TET1: variants seen among roughly 807,000 people sequenced by gnomAD.
TET1 encodes the protein tet methylcytosine dioxygenase 1, also known as methylcytosine dioxygenase TET1.
In TET1, 13 loss-of-function variants were observed where a neutral mutation model predicts 148.7. That is an observed-to-expected ratio of 0.09 (90% CI 0.06 to 0.14). The LOEUF (loss-of-function observed/expected upper bound fraction) is 0.14, where lower values mean the gene tolerates loss of function less well. TET1 is among the 10% of genes least tolerant of loss of function. TET1 has a pLI of 1.00. For synonymous variants in TET1, 907 were observed against 937.2 expected (o/e 0.97, Z 0.59); for missense variants, 2,182 against 2,553.8 (o/e 0.85, Z 3.14).
chr10:68,663,065 G>A (rs1296525169), intron 6 of TET1, among the ~76,000 whole-genome samples: 1 of 152,172 alleles, frequency 6.6e-6, no homozygotes, highest in East Asian at 1.9e-4. Flanking sequence ...CACTATTTTG[G>A]AAGTGAGTAT....
At position 68,691,444 on chromosome 10, in the gene TET1, C is replaced by G. The variant is rs1441753288; in HGVS notation, c.6041C>G (p.Ala2014Gly). The G allele has an allele frequency of 6.2e-7, 1 of 1,614,184 alleles. No homozygotes were observed. Among genetic ancestry groups the G allele is most frequent in the East Asian group, 2.2e-5 (1 of 44,884 alleles). Residue 2014 changes from alanine to glycine, a missense_variant, in exon 12 of 12, where the codon GCT (alanine) becomes GGT (glycine). Ala to Gly is a moderately conservative substitution (Grantham distance 60). This residue lies in a region of TET1 where 11 missense variants were observed against 44.0 expected (regional missense o/e 0.25). Transcript: ENST00000373644. This position sits in a 1 kb window ranked among gnomAD's most constrained non-coding sequence, Gnocchi z 4.4. The part of the protein sequence containing the change: ...ANIGGVAIAP[A>G]HGSVLIECAR... ...ATTGGTGGGGTGGCCATCGCACCTG[C>G]TCACGGCTCGGTTTTGATTGAGTGT...
At chr10:68,631,323 G>A (rs1214656956) in intron 3 of TET1, among the ~76,000 whole-genome samples, 1 of 152,000 alleles carries the variant, frequency 6.6e-6, no homozygotes. Context: ...AAGAGTGCAT[G>A]TTAGACAGAC....
chr10:68,617,746 A>T (rs2054314417), intron 3 of TET1, among the ~76,000 whole-genome samples: 1 of 151,362 alleles, frequency 6.6e-6, no homozygotes, highest in African/African-American at 2.4e-5. Context: ...GGGTTTCACC[A>T]TGTTGGTCAG....
intron 3 of TET1, among the ~76,000 whole-genome samples, chr10:68,639,459 ACTACTAC>A (rs756165750): frequency 3.9e-4 from 55 of 141,794 alleles, no homozygotes; most frequent in Non-Finnish European, 7.5e-4. Flanking sequence ...TACTACTACT[ACTACTAC>A]TATTATTATT....
intron 3 of TET1, among the ~76,000 whole-genome samples, chr10:68,640,632 G>A (rs1223441468): frequency 1.7e-5 from 2 of 120,104 alleles, no homozygotes; most frequent in East Asian, 2.9e-4. Context: ...GCTCACTGCA[G>A]GCTCCGCTTC....
At chr10:68,567,971 C>G (rs2053625678) in intron 1 of TET1, among the ~76,000 whole-genome samples, 2 of 151,806 alleles carry the variant, frequency 1.3e-5, no homozygotes, top group African/African-American at 2.4e-5. Context: ...TTCTGTCTGC[C>G]AGGTTCAAGT....
intron 3 of TET1, among the ~76,000 whole-genome samples, chr10:68,626,262 T>C (rs989796669): frequency 6.7e-6 from 1 of 150,254 alleles, no homozygotes; most frequent in Non-Finnish European, 1.5e-5. Context: ...TATTTTTTGT[T>C]TTGTTTTGTT....
In TET1 at chr10:68,681,377, A is replaced by T. The variant is rs2055432615; in HGVS notation, c.4825-22A>T. ...ATGAAGGTGCGATTATAAAATACCT[A>T]ATGGATTCTGTTTTCCTATAGGAAA... On this transcript the variant is annotated intron_variant, in intron 8 of 11. Transcript: ENST00000373644. 5 of 1,523,398 alleles carry T rather than the reference A, an allele frequency of 3.3e-6. 1 individual carries two copies. In the South Asian group the frequency reaches 5.7e-5, roughly 17 times the overall value. The allele number at this position is 1,523,398 out of a possible 1,614,324, so 94.4% of individuals were successfully genotyped here. A position where few individuals can be genotyped will look rare whatever the true frequency, so the allele number is the denominator to read the frequency against.
chr10:68,670,644 T>C (rs2055260368), intron 7 of TET1, among the ~76,000 whole-genome samples: 1 of 152,218 alleles, frequency 6.6e-6, no homozygotes, highest in Non-Finnish European at 1.5e-5. Flanking sequence ...CATTTTTCTC[T>C]CCTTCCATGT....
chr10:68,601,616 G>T (rs1256391253), intron 3 of TET1, among the ~76,000 whole-genome samples: 3 of 152,176 alleles, frequency 2.0e-5, no homozygotes, highest in African/African-American at 7.2e-5. Context: ...TTTGCCTGAT[G>T]AGTATTAATA....
intron 3 of TET1, among the ~76,000 whole-genome samples, chr10:68,614,787 T>A (rs2054264769): frequency 1.3e-5 from 2 of 151,688 alleles, no homozygotes; most frequent in Admixed American, 1.3e-4. Flanking sequence ...AGAGACAGGG[T>A]TTTTTCATGT....
At chr10:68,568,486 G>A (rs1441498672) in intron 1 of TET1, among the ~76,000 whole-genome samples, 1 of 151,262 alleles carries the variant, frequency 6.6e-6, no homozygotes, top group Non-Finnish European at 1.5e-5. Context: ...GGTGATCTGT[G>A]CACCTCAGCC....
intron 3 of TET1, among the ~76,000 whole-genome samples, chr10:68,633,617 T>G (rs751836182): frequency 3.3e-4 from 50 of 152,106 alleles, no homozygotes; most frequent in Non-Finnish European, 4.6e-4. Flanking sequence ...TTTGTAGAGA[T>G]AGGGTTTCAC....
chr10:68,639,549 A>G (rs2054710714), intron 3 of TET1, among the ~76,000 whole-genome samples: 1 of 151,854 alleles, frequency 6.6e-6, no homozygotes, highest in Admixed American at 6.6e-5. Context: ...GCTCACTGGA[A>G]CCTGTGCCTC....
chr10:68,582,743 G>A (rs750486107), intron 2 of TET1, among the ~76,000 whole-genome samples: 18 of 152,086 alleles, frequency 1.2e-4, no homozygotes, highest in Middle Eastern at 3.2e-3. Flanking sequence ...TATGGCATAT[G>A]TTACATATGG....
At chr10:68,595,333 A>C (rs906466745) in intron 2 of TET1, among the ~76,000 whole-genome samples, 2 of 152,108 alleles carry the variant, frequency 1.3e-5, no homozygotes, top group Admixed American at 6.6e-5. Context: ...TAGCCCCCAA[A>C]ATCAGAAGAA....
chr10:68,574,852 C>G (rs991819875), intron 2 of TET1, among the ~76,000 whole-genome samples: 13 of 152,106 alleles, frequency 8.5e-5, no homozygotes, highest in African/African-American at 3.1e-4. Context: ...CTTGTAAACT[C>G]CAAAGTGATA....
At chr10:68,679,034 G>T (rs527427692) in intron 8 of TET1, among the ~76,000 whole-genome samples, 2 of 151,916 alleles carry the variant, frequency 1.3e-5, no homozygotes, top group Non-Finnish European at 2.9e-5. Context: ...AAAATTATCC[G>T]GGCGTGGTGG....
At chr10:68,584,828 T>TC (rs200816737) in intron 2 of TET1, among the ~76,000 whole-genome samples, 22,962 of 145,406 alleles carry the variant, frequency 0.16, 1,885 homozygotes, top group South Asian at 0.25. Context: ...CACATATCTC[T>TC]TTTTTTTTTT....
Sources: allele counts gnomAD v4.1 joint callset (sites outside exome capture counted in the v4.1 genomes callset), GRCh38; gene constraint gnomAD v4.1.1; regional missense constraint gnomAD v4.1.1; non-coding constraint Gnocchi (gnomAD v3.1); transcripts MANE v1.5; gene names NCBI Gene and HGNC (gene_info 2026-07-23, HGNC 2026-07-21).